ZNF462: variants seen among roughly 807,000 people sequenced by gnomAD.
The protein encoded by ZNF462 is zinc finger PBX1-interacting protein.
Under a neutral mutation model 201.9 loss-of-function variants are expected in ZNF462, and 10 were observed. The observed-to-expected ratio is 0.05, with a 90% confidence interval of 0.03 to 0.08. ZNF462 has a LOEUF of 0.08. Among genes scored for constraint, ZNF462 ranks in the 10% least tolerant of loss-of-function variants. The probability of loss-of-function intolerance (pLI) is 1.00; values close to 1 mark genes in which losing one functional copy is unlikely to be tolerated. For missense variants in ZNF462, 2,523 were observed against 3,168.3 expected (o/e 0.80, Z 4.89); for synonymous variants, 1,227 against 1,193.3 (o/e 1.03, Z -0.58).
intron 1 of ZNF462, among the ~76,000 whole-genome samples, chr9:106,869,144 G>T (rs1031299225): frequency 6.6e-6 from 1 of 152,174 alleles, no homozygotes; most frequent in African/African-American, 2.4e-5. Context: ...GGACTCTGAG[G>T]ATCTATTTTG....
intron 7 of ZNF462, among the ~76,000 whole-genome samples, chr9:106,960,319 A>C (rs902783815): frequency 6.6e-6 from 1 of 152,092 alleles, no homozygotes; most frequent in Non-Finnish European, 1.5e-5. Context: ...AATTGTGACC[A>C]ACTCCTTGAA....
At chr9:106,947,526 A>G (rs1831163756) in intron 7 of ZNF462, among the ~76,000 whole-genome samples, 1 of 152,192 alleles carries the variant, frequency 6.6e-6, no homozygotes. Flanking sequence ...TGGTTTACAT[A>G]ACGGTTCTGC....
rs369904956 is a variant in ZNF462, at chr9:106,924,714, A to G, written c.802A>G (p.Ser268Gly). 7 of 1,614,136 alleles carry G rather than the reference A, an allele frequency of 4.3e-6. No homozygotes were observed. Among genetic ancestry groups the G allele is most frequent in the South Asian group, 2.2e-5 (2 of 91,076 alleles). ...TGACCACATGATGAAGAAACACCGC[A>G]GTATGGTCAAGATCCTTTCCAGTCT... Reference protein sequence around the residue: ...WCDHMMKKHRSMVKILSSLRQ... With the variant: ...WCDHMMKKHRGMVKILSSLRQ... The change falls in exon 3 of 13, where the codon AGT becomes GGT. Residue 268 changes from serine to glycine, a missense_variant. Around this residue, in one of 15 missense-constraint regions of ZNF462, gnomAD observed 480 missense variants for 544.4 expected, o/e 0.88. Transcript: ENST00000277225. This position sits in a 1 kb window ranked among gnomAD's most constrained non-coding sequence, Gnocchi z 6.2.
At position 106,959,397 on chromosome 9, in the gene ZNF462, A is replaced by G. The variant is rs1831726342; in HGVS notation, c.6428-12608A>G. Among the ~76,000 whole-genome samples the G allele has an allele frequency of 2.0e-5, 3 of 152,106 alleles. No homozygotes were observed. The South Asian group carries it at 6.2e-4, about 32-fold the overall frequency. On this transcript the variant is annotated intron_variant, in intron 7 of 12. Transcript: ENST00000277225. The stretch of plus-strand genomic sequence containing the variant: ...GTCCAAATGCTTCCATCCATAGAAC[A>G]CACTCCATAAACACTTACTTGGTGC...
intron 1 of ZNF462, among the ~76,000 whole-genome samples, chr9:106,904,259 C>T (rs1461437738): frequency 1.3e-5 from 2 of 152,136 alleles, no homozygotes; most frequent in African/African-American, 2.4e-5. Context: ...GATAGGTCCC[C>T]AATCCCTTCT....
intron 7 of ZNF462, among the ~76,000 whole-genome samples, chr9:106,960,693 T>A (rs1220751820): frequency 6.6e-6 from 1 of 152,104 alleles, no homozygotes; most frequent in African/African-American, 2.4e-5. Flanking sequence ...CACATTCATT[T>A]CCCTACAAGT....
intron 1 of ZNF462, among the ~76,000 whole-genome samples, chr9:106,878,597 T>C (rs990661377): frequency 6.6e-6 from 1 of 152,208 alleles, no homozygotes; most frequent in Admixed American, 6.5e-5. Context: ...GAGATCTCTC[T>C]ATCACAGTTG....
At chr9:106,937,745 A>G (rs1203069717) in intron 6 of ZNF462, among the ~76,000 whole-genome samples, 8 of 152,098 alleles carry the variant, frequency 5.3e-5, no homozygotes, top group African/African-American at 1.7e-4. Context: ...TTTTTATGTT[A>G]TTATAAACTC....
In ZNF462 at chr9:106,977,706, G is replaced by A. The variant is rs986794493; in HGVS notation, c.6832+3433G>A. Among the ~76,000 whole-genome samples, 2 of 151,460 alleles carry A rather than the reference G, an allele frequency of 1.3e-5. No homozygotes were observed. Among genetic ancestry groups the A allele is most frequent in the South Asian group, 2.1e-4 (1 of 4,832 alleles). ...AGTATAGACAAGACAGTGAGTGATG[G>A]GTATCTAGGTATATTTCTGTTTGTA... is the stretch of plus-strand genomic sequence containing the variant. On this transcript the variant is annotated intron_variant, in intron 9 of 12. Coordinates refer to ENST00000277225, the MANE Select transcript of ZNF462 (RefSeq NM_021224.6). This position sits in a 1 kb window ranked among gnomAD's most constrained non-coding sequence, Gnocchi z 4.6.
chr9:106,974,128 C>G lies in ZNF462; in HGVS notation c.6696-9C>G, dbSNP rs201360969. ...CACGCATCACCTCTCCTCCCAAACT[C>G]TCTCCTAGATCTGCTTTTACTATGC... On this transcript the variant is annotated splice_polypyrimidine_tract_variant and intron_variant, in intron 8 of 12. Coordinates refer to ENST00000277225, the MANE Select transcript of ZNF462 (RefSeq NM_021224.6). The surrounding 1 kb of genome is among the most constrained non-coding windows in gnomAD (Gnocchi z 4.0). 6.2e-7 allele frequency: 1 copy of G among 1,614,082 alleles called. No homozygotes were observed. Among genetic ancestry groups the G allele is most frequent in the Non-Finnish European group, 8.5e-7 (1 of 1,179,998 alleles).
intron 7 of ZNF462, among the ~76,000 whole-genome samples, chr9:106,967,784 T>G (rs976354985): frequency 5.3e-5 from 8 of 152,198 alleles, no homozygotes; most frequent in Non-Finnish European, 8.8e-5. Context: ...GCAGGGCTTA[T>G]CTTCACAACA....
intron 1 of ZNF462, among the ~76,000 whole-genome samples, chr9:106,868,982 T>C (rs1394522156): frequency 1.3e-5 from 2 of 151,922 alleles, no homozygotes; most frequent in Non-Finnish European, 2.9e-5. Context: ...TTCAGTAAAG[T>C]GTTAGCTCCC....
intron 10 of ZNF462, among the ~76,000 whole-genome samples, chr9:106,985,677 G>T (rs1827783232): frequency 6.6e-6 from 1 of 152,142 alleles, no homozygotes; most frequent in African/African-American, 2.4e-5. Context: ...TCCTTGCTCT[G>T]TATCCTCATG....
chr9:106,935,660 T>C lies in ZNF462; in HGVS notation c.6235+39T>C, dbSNP rs1830601862. On this transcript the variant is annotated intron_variant, in intron 6 of 12. Transcript: ENST00000277225. The surrounding 1 kb of genome is among the most constrained non-coding windows in gnomAD (Gnocchi z 4.1). ...TGATGATGCACAAGTTCTTTAGCACTCTCTGAGTTTGAAACCTGATGATCT... is the reference window on the plus strand; with the variant it reads ...TGATGATGCACAAGTTCTTTAGCACCCTCTGAGTTTGAAACCTGATGATCT... 8 of 1,532,858 alleles carry C rather than the reference T, an allele frequency of 5.2e-6. No homozygotes were observed. In the East Asian group the frequency reaches 1.6e-4, roughly 30 times the overall value. The allele number at this position is 1,532,858 out of a possible 1,614,324, so 95.0% of individuals were successfully genotyped here.
intron 7 of ZNF462, among the ~76,000 whole-genome samples, chr9:106,942,533 G>T (rs1032760671): frequency 6.6e-6 from 1 of 152,182 alleles, no homozygotes; most frequent in East Asian, 1.9e-4. Flanking sequence ...AATGGGCAAT[G>T]ACATGTAATT....
rs1179873144 is a variant in ZNF462 at position 107,006,828 on chromosome 9, A to G, written c.7190-2717A>G. On this transcript the variant is annotated intron_variant, in intron 11 of 12. Coordinates refer to ENST00000277225, the MANE Select transcript of ZNF462 (RefSeq NM_021224.6). This position sits in a 1 kb window ranked among gnomAD's most constrained non-coding sequence, Gnocchi z 4.3. Reference sequence around the variant, plus strand: ...GTGCCTGTATTAACCTGAAAAATACATGGACAAATAAAACATCCTTACCAT... The same window carrying G: ...GTGCCTGTATTAACCTGAAAAATACGTGGACAAATAAAACATCCTTACCAT... Among the ~76,000 whole-genome samples the G allele has an allele frequency of 2.0e-5, 3 of 152,158 alleles. No individual in the cohort carries two copies. The highest frequency in any genetic ancestry group is 2.1e-4 in the South Asian group (1 of 4,826).
In ZNF462 at chr9:106,925,056, A is replaced by G. The variant is rs147056374; in HGVS notation, c.1144A>G (p.Met382Val). 14 of 1,614,088 alleles carry G rather than the reference A, an allele frequency of 8.7e-6. No individual in the cohort carries two copies. Among genetic ancestry groups the G allele is most frequent in the African/African-American group, 4.0e-5 (3 of 74,930 alleles). Reference protein sequence around the residue: ...NSSADLETNSMLNDSSSDEEL... With the variant: ...NSSADLETNSVLNDSSSDEEL... ...TTCTGCTGACCTGGAAACTAACAGC[A>G]TGCTAAATGACTCTAGTTCTGATGA... is the stretch of plus-strand genomic sequence containing the variant. Residue 382 changes from methionine (M) to valine (V), a missense_variant, in exon 3 of 13, where the codon ATG becomes GTG. Met to Val is a conservative substitution (Grantham distance 21). Coordinates refer to ENST00000277225, the MANE Select transcript of ZNF462 (RefSeq NM_021224.6). The surrounding 1 kb of genome is among the most constrained non-coding windows in gnomAD (Gnocchi z 7.9).
intron 1 of ZNF462, among the ~76,000 whole-genome samples, chr9:106,921,950 A>G (rs1246757762): frequency 6.6e-6 from 1 of 152,186 alleles, no homozygotes; most frequent in Non-Finnish European, 1.5e-5. Context: ...AGAGGAGGTA[A>G]ATATCTGCGG....
At chr9:106,975,098 C>T (rs1004693857) in intron 9 of ZNF462, 4 of 152,184 alleles carry the variant, frequency 2.6e-5, no homozygotes, top group African/African-American at 4.8e-5. Flanking sequence ...GAATCTGTTT[C>T]GTCCTGAAAA....
Sources: allele counts gnomAD v4.1 joint callset (sites outside exome capture counted in the v4.1 genomes callset), GRCh38; gene constraint gnomAD v4.1.1; regional missense constraint gnomAD v4.1.1; non-coding constraint Gnocchi (gnomAD v3.1); transcripts MANE v1.5; gene names NCBI Gene and HGNC (gene_info 2026-07-23, HGNC 2026-07-21).